CNTNAP2: variants seen among roughly 807,000 people sequenced by gnomAD.
CNTNAP2 encodes the protein contactin-associated protein-like 2.
In CNTNAP2, 98 loss-of-function variants were observed where a neutral mutation model predicts 155.2. That is an observed-to-expected ratio of 0.63 (90% CI 0.54 to 0.75). CNTNAP2 has a LOEUF of 0.75. Among genes scored for constraint, CNTNAP2 ranks in the 30% least tolerant of loss-of-function variants. The probability of loss-of-function intolerance (pLI) is 0.00; values close to 1 mark genes in which losing one functional copy is unlikely to be tolerated. For missense variants in CNTNAP2, 1,727 were observed against 1,688.1 expected (o/e 1.02, Z -0.40); for synonymous variants, 651 against 631.2 (o/e 1.03, Z -0.47).
chr7:146,852,447 C>A (rs749446679), intron 3 of CNTNAP2, among the ~76,000 whole-genome samples: 1 of 152,028 alleles, frequency 6.6e-6, no homozygotes, highest in Non-Finnish European at 1.5e-5. Context: ...AGCAAATGAA[C>A]CAAAGACACT....
At chr7:147,602,835 C>T (rs2116863354) in intron 12 of CNTNAP2, among the ~76,000 whole-genome samples, 1 of 151,808 alleles carries the variant, frequency 6.6e-6, no homozygotes, top group East Asian at 1.9e-4. Flanking sequence ...TTTTTTATGG[C>T]TGCATAGTAT....
Position 146,200,191 on chromosome 7 carries a change from A to G in CNTNAP2, c.97+83218A>G, listed in dbSNP as rs898488428. On this transcript the variant is annotated intron_variant, in intron 1 of 23. Transcript: ENST00000361727. ...ATGGACCACTTCCACATACACAAGG[A>G]TGGTCTCATAAAATTATAATACTGG... Among the ~76,000 whole-genome samples the G allele has an allele frequency of 3.7e-4, 57 of 152,260 alleles. 1 individual carries two copies. Among genetic ancestry groups the G allele is most frequent in the African/African-American group, 1.3e-3 (55 of 41,566 alleles).
At chr7:146,877,647 G>A (rs1201090791) in intron 3 of CNTNAP2, among the ~76,000 whole-genome samples, 1 of 151,414 alleles carries the variant, frequency 6.6e-6, no homozygotes, top group African/African-American at 2.4e-5. Flanking sequence ...GTGTATATAT[G>A]TGTATATGTA....
At chr7:147,623,182 G>T (rs10274444) in intron 12 of CNTNAP2, among the ~76,000 whole-genome samples, 13,671 of 151,982 alleles carry the variant, frequency 0.09, 1,700 homozygotes, top group African/African-American at 0.26. Context: ...GCCTTTCCTC[G>T]AAGATCTGGA....
At chr7:147,474,593 AC>A (rs958150053) in intron 10 of CNTNAP2, among the ~76,000 whole-genome samples, 1 of 152,142 alleles carries the variant, frequency 6.6e-6, no homozygotes, top group African/African-American at 2.4e-5. Context: ...GAAAAAAAAA[AC>A]AAGAAAAACA....
chr7:146,123,654 C>T (rs140059199), intron 1 of CNTNAP2, among the ~76,000 whole-genome samples: 1 of 151,976 alleles, frequency 6.6e-6, no homozygotes, highest in Non-Finnish European at 1.5e-5. Flanking sequence ...GTTATAATGT[C>T]ATCTATGCTG....
intron 14 of CNTNAP2, among the ~76,000 whole-genome samples, chr7:147,948,704 A>C (rs986742311): frequency 6.6e-6 from 1 of 150,912 alleles, no homozygotes; most frequent in African/African-American, 2.4e-5. Context: ...TGACCCTTGG[A>C]CAATGCAGGG....
chr7:146,586,031 C>CAAAACAAAAA (rs112095798), intron 1 of CNTNAP2, among the ~76,000 whole-genome samples: 259 of 135,436 alleles, frequency 1.9e-3, no homozygotes, highest in Non-Finnish European at 3.2e-3. Context: ...CAAAACAAAA[C>CAAAACAAAAA]AAACAAAAGA....
intron 2 of CNTNAP2, among the ~76,000 whole-genome samples, chr7:146,827,692 A>T (rs1803433138): frequency 6.6e-6 from 1 of 152,032 alleles, no homozygotes; most frequent in Non-Finnish European, 1.5e-5. Context: ...AAAGCAGTAG[A>T]TTTGCACCCA....
intron 13 of CNTNAP2, among the ~76,000 whole-genome samples, chr7:147,803,366 C>A (rs1798038280): frequency 6.6e-6 from 1 of 152,138 alleles, no homozygotes; most frequent in Non-Finnish European, 1.5e-5. Context: ...ATGCAGCCAG[C>A]AAACTTGGGT....
At chr7:146,987,838 A>G (rs1481686820) in intron 3 of CNTNAP2, among the ~76,000 whole-genome samples, 3 of 152,174 alleles carry the variant, frequency 2.0e-5, no homozygotes, top group Non-Finnish European at 4.4e-5. Context: ...GTTCAGTACA[A>G]TGGTTAACAA....
chr7:147,390,754 C>T (rs1028575963), intron 9 of CNTNAP2, among the ~76,000 whole-genome samples: 5 of 151,954 alleles, frequency 3.3e-5, no homozygotes, highest in African/African-American at 4.8e-5. Context: ...CTGTGTCACA[C>T]GGAGCAGCAC....
chr7:146,502,259 A>C (rs1487236869), intron 1 of CNTNAP2, among the ~76,000 whole-genome samples: 1 of 128,302 alleles, frequency 7.8e-6, no homozygotes, highest in Non-Finnish European at 1.6e-5. Flanking sequence ...ATATATATAT[A>C]TGTCATATTT....
intron 2 of CNTNAP2, among the ~76,000 whole-genome samples, chr7:146,797,760 G>A (rs566092888): frequency 4.6e-5 from 7 of 152,280 alleles, no homozygotes; most frequent in Admixed American, 2.0e-4. Flanking sequence ...ACTAAGATAC[G>A]TCCTGGCAGC....
chr7:147,331,523 G>C (rs1050831428), intron 9 of CNTNAP2, among the ~76,000 whole-genome samples: 2 of 152,060 alleles, frequency 1.3e-5, no homozygotes, highest in African/African-American at 4.8e-5. Flanking sequence ...ACATATGAAT[G>C]AGAGTGCACA....
intron 19 of CNTNAP2, among the ~76,000 whole-genome samples, chr7:148,217,752 T>C (rs1041660786): frequency 6.6e-6 from 1 of 152,264 alleles, no homozygotes; most frequent in Admixed American, 6.5e-5. Context: ...GTGAGGCATG[T>C]TGCGTTCTTT....
At chr7:147,131,985 C>T (rs1259457106) in intron 7 of CNTNAP2, among the ~76,000 whole-genome samples, 1 of 152,038 alleles carries the variant, frequency 6.6e-6, no homozygotes, top group Non-Finnish European at 1.5e-5. Flanking sequence ...TCACATCAGG[C>T]TGTCTGGCTG....
At chr7:146,243,944 G>C (rs1044908384) in intron 1 of CNTNAP2, among the ~76,000 whole-genome samples, 1 of 152,146 alleles carries the variant, frequency 6.6e-6, no homozygotes, top group African/African-American at 2.4e-5. Flanking sequence ...CTTCGAGCGG[G>C]ATTAGGGGCG....
At chr7:146,687,904 T>C (rs1269993213) in intron 1 of CNTNAP2, among the ~76,000 whole-genome samples, 8 of 152,156 alleles carry the variant, frequency 5.3e-5, no homozygotes, top group Non-Finnish European at 1.0e-4. Context: ...TGTATGTGCA[T>C]GTGTGTGTGA....
Sources: gnomAD v4.1 joint callset for allele counts (sites outside exome capture counted in the v4.1 genomes callset) on GRCh38, gnomAD v4.1.1 for gene constraint, MANE v1.5 for transcripts, NCBI Gene and HGNC (gene_info 2026-07-23, HGNC 2026-07-21) for gene names.